The following RALGAPA2 variants were observed in gnomAD, a reference collection of about 807,000 sequenced individuals.
RALGAPA2 encodes ral GTPase-activating protein subunit alpha-2.
RALGAPA2 carries 139 observed loss-of-function variants against 230.4 expected under a neutral mutation model. The ratio of observed to expected loss-of-function variants is 0.60; its 90% CI spans 0.53 to 0.69. The LOEUF is 0.69. Ranked by LOEUF, RALGAPA2 falls within the 30% of genes least tolerant of loss-of-function variation. The pLI is 0.00. For synonymous variants in RALGAPA2, 847 were observed against 837.8 expected, an observed-to-expected ratio of 1.01 and a Z score of -0.19; for missense variants, 2,163 against 2,276.0, an observed-to-expected ratio of 0.95 and a Z score of 1.01.
chr20:20,601,534 A>G (rs1430252180), intron 16 of RALGAPA2, 148 bp downstream of exon 16: 1 of 707,600 alleles, frequency 1.4e-6, no homozygotes, highest in Non-Finnish European at 2.1e-6. Context: ...AAGTAACCAG[A>G]GCATAAAGCT....
chr20:20,684,051 G>T (rs1603242389), intron 1 of RALGAPA2, among the ~76,000 whole-genome samples: 1 of 152,160 alleles, frequency 6.6e-6, no homozygotes, highest in South Asian at 2.1e-4. Flanking sequence ...GACACTCTCT[G>T]ACTCTCCCTG....
chr20:20,650,508 G>A (rs2067362033), intron 4 of RALGAPA2, among the ~76,000 whole-genome samples: 1 of 152,132 alleles, frequency 6.6e-6, no homozygotes, highest in African/African-American at 2.4e-5. Flanking sequence ...CAACTTCAAG[G>A]TTTTAACCCA....
At chr20:20,545,289 T>C (rs899083414) in intron 24 of RALGAPA2, among the ~76,000 whole-genome samples, 1 of 152,128 alleles carries the variant, frequency 6.6e-6, no homozygotes, top group Non-Finnish European at 1.5e-5. Context: ...CTCAAACTCC[T>C]GATCTCAAGT....
In RALGAPA2 at chr20:20,444,604, A is replaced by T. The variant is rs772924107; in HGVS notation, c.5495+28225T>A. ...ACACTCTCCCCCTTACTGGAAGGAT[A>T]ACTCCTCTCCTGATACACTGCAGAT... On this transcript the variant is annotated intron_variant, in intron 37 of 39. Coordinates refer to ENST00000202677, the MANE Select transcript of RALGAPA2 (RefSeq NM_020343.4). Among the ~76,000 whole-genome samples, 444 of 152,234 alleles carry T rather than the reference A, an allele frequency of 2.9e-3. 2 individuals are homozygous for T. Among genetic ancestry groups the T allele is most frequent in the Non-Finnish European group, 5.1e-3 (350 of 68,010 alleles).
chr20:20,588,258 G>T (rs2065188383), intron 18 of RALGAPA2, among the ~76,000 whole-genome samples: 2 of 152,100 alleles, frequency 1.3e-5, no homozygotes, highest in Non-Finnish European at 2.9e-5. Context: ...AATAAATTGT[G>T]GTCTACTTAT....
intron 4 of RALGAPA2, among the ~76,000 whole-genome samples, chr20:20,652,856 CAA>C (rs1007955215): frequency 2.0e-5 from 3 of 152,030 alleles, no homozygotes; most frequent in Non-Finnish European, 4.4e-5. Flanking sequence ...CTAAAGCATT[CAA>C]AGAGAATAAT....
At chr20:20,556,127 T>C (rs1176218756) in intron 23 of RALGAPA2, among the ~76,000 whole-genome samples, 2 of 152,174 alleles carry the variant, frequency 1.3e-5, no homozygotes, top group African/African-American at 4.8e-5. Context: ...AAATGAGTGC[T>C]TTCTGCAAGG....
At chr20:20,508,149 A>G (rs926584514) in intron 33 of RALGAPA2, among the ~76,000 whole-genome samples, 1 of 152,168 alleles carries the variant, frequency 6.6e-6, no homozygotes, top group Non-Finnish European at 1.5e-5. Context: ...AGGAAAGATG[A>G]CCTTTAGTTG....
rs570429089 is a variant in RALGAPA2, at chr20:20,647,389, C to T, written c.329-3840G>A. On this transcript the variant is annotated intron_variant, in intron 4 of 39. Coordinates refer to ENST00000202677, the MANE Select transcript of RALGAPA2 (RefSeq NM_020343.4). Reference sequence around the variant, plus strand: ...CCTGCTAGAAGAGGCCAGTGGAATACGAACAGAGAACTTCCTGGCACTACA... The same window carrying T: ...CCTGCTAGAAGAGGCCAGTGGAATATGAACAGAGAACTTCCTGGCACTACA... Among the ~76,000 whole-genome samples, 31 of 152,184 alleles carry T rather than the reference C, an allele frequency of 2.0e-4. No individual in the cohort carries two copies. In the South Asian group the frequency reaches 2.3e-3, roughly 11 times the overall value.
chr20:20,505,675 T>C (rs2062512287), intron 33 of RALGAPA2, 141 bp from the exon 34 acceptor site: 1 of 675,938 alleles, frequency 1.5e-6, no homozygotes, highest in African/African-American at 1.8e-5. Flanking sequence ...TGTTCTGAGA[T>C]GGTCTGACAC....
intron 1 of RALGAPA2, among the ~76,000 whole-genome samples, chr20:20,701,868 C>T (rs187785613): frequency 5.3e-5 from 8 of 151,752 alleles, no homozygotes; most frequent in Admixed American, 1.3e-4. Context: ...GGTGAAACCC[C>T]GTCTCTACTA....
chr20:20,472,662 T>C, intron 37 of RALGAPA2, 167 bp downstream of exon 37: 2 of 555,264 alleles, frequency 3.6e-6, no homozygotes, highest in East Asian at 3.5e-5. Context: ...ATATTTAATA[T>C]AAATTAACAA....
At chr20:20,689,673 C>T (rs1357367349) in intron 1 of RALGAPA2, among the ~76,000 whole-genome samples, 1 of 152,164 alleles carries the variant, frequency 6.6e-6, no homozygotes, top group East Asian at 1.9e-4. Context: ...ACAATATGTC[C>T]TCAGGCCCGC....
In RALGAPA2 at chr20:20,712,043, G is replaced by A. The variant is rs1250159842; in HGVS notation, c.106+332C>T. Among the ~76,000 whole-genome samples, 2 of 152,126 alleles carry A rather than the reference G, an allele frequency of 1.3e-5. No individual in the cohort carries two copies. Among genetic ancestry groups the A allele is most frequent in the Non-Finnish European group, 2.9e-5 (2 of 68,032 alleles). ...GGAGGTGACAGTTCAATGTGTGCACGTGATGACCACTTGGGATCCAGTTCA... is the reference window on the plus strand; with the variant it reads ...GGAGGTGACAGTTCAATGTGTGCACATGATGACCACTTGGGATCCAGTTCA... On this transcript the variant is annotated intron_variant, in intron 1 of 39. Transcript: ENST00000202677. The surrounding 1 kb of genome is among the most constrained non-coding windows in gnomAD (Gnocchi z 5.5).
chr20:20,465,072 AT>A (rs1198655286), intron 37 of RALGAPA2, among the ~76,000 whole-genome samples: 2 of 149,394 alleles, frequency 1.3e-5, no homozygotes, highest in African/African-American at 4.9e-5. Flanking sequence ...ATAAAATATG[AT>A]TTACTTTTGG....
chr20:20,517,379 T>C (rs568171227), intron 31 of RALGAPA2, among the ~76,000 whole-genome samples: 6 of 152,266 alleles, frequency 3.9e-5, no homozygotes, highest in African/African-American at 1.4e-4. Flanking sequence ...TCAGTGCATC[T>C]AACTGAGAGA....
intron 29 of RALGAPA2, 136 bp downstream of exon 29, chr20:20,524,694 T>C: frequency 7.7e-7 from 1 of 1,303,458 alleles, no homozygotes; most frequent in Non-Finnish European, 1.0e-6. Flanking sequence ...ATAAGTAGCA[T>C]TTTCACAAAA....
At chr20:20,513,434 A>G (rs907971864) in intron 31 of RALGAPA2, 150 bp from the exon 32 acceptor site, 2 of 539,082 alleles carry the variant, frequency 3.7e-6, no homozygotes, top group Admixed American at 8.1e-5. Context: ...ATAGCAAGAT[A>G]GTGCAAAAAG....
intron 37 of RALGAPA2, among the ~76,000 whole-genome samples, chr20:20,463,384 A>G (rs1316763561): frequency 1.3e-5 from 2 of 152,214 alleles, no homozygotes; most frequent in Non-Finnish European, 2.9e-5. Flanking sequence ...AGATCTCACC[A>G]GGCTTTGTAC....
Sources: gnomAD v4.1 joint callset for allele counts (sites outside exome capture counted in the v4.1 genomes callset) on GRCh38, gnomAD v4.1.1 for gene constraint, Gnocchi (gnomAD v3.1) non-coding constraint, MANE v1.5 for transcripts, NCBI Gene and HGNC (gene_info 2026-07-23, HGNC 2026-07-21) for gene names.